Variants in CD33 observed in about 807,000 individuals in gnomAD.
CD33 encodes myeloid cell surface antigen CD33.
A neutral mutation model predicts 31.4 loss-of-function variants in CD33; 25 were observed. That is an observed-to-expected ratio of 0.80 (90% CI 0.58 to 1.11). The LOEUF (loss-of-function observed/expected upper bound fraction) is 1.11. Ranked by LOEUF, CD33 falls within the 50% of genes most tolerant of loss-of-function variation. The pLI is 0.00. For synonymous variants in CD33, 176 were observed against 180.6 expected (o/e 0.97, Z 0.20); for missense variants, 407 against 448.1 (o/e 0.91, Z 0.83).
chr19:51,227,309 T>C (rs1444909997), intron 4 of CD33, among the ~76,000 whole-genome samples: 2 of 152,210 alleles, frequency 1.3e-5, no homozygotes, highest in Non-Finnish European at 2.9e-5. Context: ...TTCTCCATAG[T>C]GGTTATACTA....
intron 4 of CD33, among the ~76,000 whole-genome samples, chr19:51,226,962 CAT>C (rs1420196945): frequency 6.6e-6 from 1 of 151,894 alleles, no homozygotes; most frequent in Non-Finnish European, 1.5e-5. Flanking sequence ...TGAGTGAGAA[CAT>C]GTGGTATTCA....
At chr19:51,226,546 C>T (rs925743032) in intron 4 of CD33, among the ~76,000 whole-genome samples, 190 bp downstream of exon 4, 3 of 152,138 alleles carry the variant, frequency 2.0e-5, no homozygotes, top group African/African-American at 7.2e-5. Flanking sequence ...CCAAATAATG[C>T]TCTTTGTCTC....
chr19:51,237,435 C>A (rs963764479), intron 6 of CD33: 1 of 152,180 alleles, frequency 6.6e-6, no homozygotes, highest in African/African-American at 2.4e-5. Flanking sequence ...GAAATAAGTG[C>A]TATGGCAGGA....
intron 3 of CD33, 34 bp from the exon 4 acceptor site, chr19:51,226,275 C>A: frequency 1.2e-6 from 2 of 1,605,468 alleles, no homozygotes; most frequent in South Asian, 1.1e-5. Flanking sequence ...CATCTCTACC[C>A]CCAACTGAAG....
chr19:51,225,551 G>A lies in CD33; in HGVS notation c.371G>A (p.Ser124Asn), dbSNP rs752544056. 1.3e-6 allele frequency: 2 copies of A among 1,587,558 alleles called. No homozygotes were observed. The highest frequency in any genetic ancestry group is 2.7e-5 in the African/African-American group (2 of 74,294). Residue 124 changes from serine to asparagine, a missense_variant, in exon 2 of 7, where the codon AGT becomes AAT. Coordinates refer to ENST00000262262, the MANE Select transcript of CD33 (RefSeq NM_001772.4). ...TACTTCTTTCGGATGGAGAGAGGAAGTACCAAATACAGTTACAAATCTCCC... is the reference window on the plus strand; with the variant it reads ...TACTTCTTTCGGATGGAGAGAGGAAATACCAAATACAGTTACAAATCTCCC... ...GSYFFRMERG[S>N]TKYSYKSPQL...
rs1981034845 is a variant in CD33, at chr19:51,226,370, T to TC, written c.745+18dup. 1 of 1,610,282 alleles carries TC rather than the reference T, an allele frequency of 6.2e-7. No individual in the cohort carries two copies. Among genetic ancestry groups the TC allele is most frequent in the South Asian group, 1.1e-5 (1 of 91,012 alleles). On this transcript the variant is annotated intron_variant, in intron 4 of 6. Coordinates refer to ENST00000262262, the MANE Select transcript of CD33 (RefSeq NM_001772.4). ...GAGATGGCTCAGGTAGGAAGGAGCC[T>TC]CCCCGCCTGGGGCTGTTACTGACAT...
chr19:51,224,229 G>A (rs556109078), upstream of CD33, among the ~76,000 whole-genome samples: 7 of 152,278 alleles, frequency 4.6e-5, no homozygotes, highest in African/African-American at 1.7e-4. Flanking sequence ...AGAGAGGTGT[G>A]TGTCTGTACC....
the CD33 span, among the ~76,000 whole-genome samples, chr19:51,213,517 TTTTG>T: frequency 8.5e-5 from 13 of 152,296 alleles, no homozygotes; most frequent in East Asian, 1.2e-3. Context: ...TTGTTTTGTT[TTTTG>T]TTTGTTTGTT....
In CD33 at chr19:51,225,812, A is replaced by AGG. The variant is rs1372972848; in HGVS notation, c.428_429insGG (p.His143GlnfsTer12). ...TCTTTCTCCTCACTAGACTTGACCCACAGGCCCAAAATCCTCATCCCTGGC... is the reference window on the plus strand; with the variant it reads ...TCTTTCTCCTCACTAGACTTGACCCAGGCAGGCCCAAAATCCTCATCCCTGGC... On this transcript the variant is annotated frameshift_variant, in exon 3 of 7. Transcript: ENST00000262262. LOFTEE classifies it high-confidence loss of function. 3 of 1,613,472 alleles carry AGG rather than the reference A, an allele frequency of 1.9e-6. No individual in the cohort carries two copies. The highest frequency in any genetic ancestry group is 2.5e-6 in the Non-Finnish European group (3 of 1,179,738).
intron 4 of CD33, among the ~76,000 whole-genome samples, chr19:51,234,941 G>C (rs1981668921): frequency 6.6e-6 from 1 of 152,150 alleles, no homozygotes; most frequent in Non-Finnish European, 1.5e-5. Context: ...ATGATGTTTT[G>C]TGCACCAGAG....
chr19:51,219,228 GT>G, the CD33 span, among the ~76,000 whole-genome samples: 1 of 151,992 alleles, frequency 6.6e-6, no homozygotes, highest in Non-Finnish European at 1.5e-5. Context: ...GGTTTGCCTT[GT>G]ACTGATCTTT....
the CD33 span, chr19:51,212,022 C>G: frequency 1.0e-6 from 1 of 965,674 alleles, no homozygotes; most frequent in Non-Finnish European, 1.6e-6. Flanking sequence ...AGTGACGTTC[C>G]CCGGAGCTGG....
At chr19:51,214,345 A>C in the CD33 span, among the ~76,000 whole-genome samples, 7 of 151,692 alleles carry the variant, frequency 4.6e-5, no homozygotes, top group African/African-American at 1.7e-4. Flanking sequence ...TTACAGGCAC[A>C]TGCCAGCATG....
the CD33 span, among the ~76,000 whole-genome samples, chr19:51,216,387 A>G: frequency 6.6e-6 from 1 of 152,082 alleles, no homozygotes; most frequent in African/African-American, 2.4e-5. Flanking sequence ...GTTCACTGGT[A>G]GACATAGCAT....
chr19:51,225,055 T>C, upstream of CD33: 1 of 1,601,412 alleles, frequency 6.2e-7, no homozygotes. Flanking sequence ...CCTGTAGTCC[T>C]TCCCCTCCAC....
upstream of CD33, among the ~76,000 whole-genome samples, chr19:51,222,373 G>T (rs924777286): frequency 6.6e-6 from 1 of 152,180 alleles, no homozygotes; most frequent in Non-Finnish European, 1.5e-5. Flanking sequence ...GTAGTCATTA[G>T]TCTGACTATT....
chr19:51,224,579 C>A (rs1980852376), upstream of CD33, among the ~76,000 whole-genome samples: 1 of 152,146 alleles, frequency 6.6e-6, no homozygotes, highest in Admixed American at 6.5e-5. Context: ...CTCACTATAT[C>A]TTTAGTGAAT....
At chr19:51,235,784 T>C in intron 6 of CD33, 108 bp downstream of exon 6, 1 of 921,326 alleles carries the variant, frequency 1.1e-6, no homozygotes, top group Non-Finnish European at 1.8e-6. Context: ...CTTATTGTCT[T>C]TCCTCCTGTT....
Position 51,225,286 on chromosome 19 carries a change from T to A in CD33, c.106T>A (p.Cys36Ser), listed in dbSNP as rs1186593704. ...GTCAGTGACGGTACAGGAGGGTTTG[T>A]GCGTCCTCGTGCCCTGCACTTTCTT... ...QESVTVQEGL[C>S]VLVPCTFFHP... The change falls in exon 2 of 7, where the codon TGC (cysteine) becomes AGC (serine). Residue 36 changes from cysteine to serine, a missense_variant. Physicochemically the swap from Cys to Ser is moderately radical, Grantham distance 112. Transcript: ENST00000262262. 1.2e-6 allele frequency: 2 copies of A among 1,614,056 alleles called. No homozygotes were observed. The highest frequency in any genetic ancestry group is 1.7e-6 in the Non-Finnish European group (2 of 1,180,026).
Sources: gnomAD v4.1 joint callset for allele counts (sites outside exome capture counted in the v4.1 genomes callset) on GRCh38, gnomAD v4.1.1 for gene constraint, MANE v1.5 for transcripts, NCBI Gene and HGNC (gene_info 2026-07-23, HGNC 2026-07-21) for gene names.